The following ZDHHC16 variants were observed in gnomAD, a reference collection of about 807,000 sequenced individuals.
ZDHHC16 encodes palmitoyltransferase ZDHHC16.
A neutral mutation model predicts 54.4 loss-of-function variants in ZDHHC16; 33 were observed. The ratio of observed to expected loss-of-function variants is 0.61; its 90% CI spans 0.46 to 0.81. The LOEUF (loss-of-function observed/expected upper bound fraction) is 0.81, where lower values mean the gene tolerates loss of function less well. Among genes scored for constraint, ZDHHC16 ranks in the 30% least tolerant of loss-of-function variants. ZDHHC16 has a pLI of 0.00. For missense variants in ZDHHC16, 420 were observed against 485.9 expected (o/e 0.86, Z 1.28); for synonymous variants, 185 against 182.1 (o/e 1.02, Z -0.13).
At chr10:97,450,167 G>A (rs959196802) in intron 1 of ZDHHC16, among the ~76,000 whole-genome samples, 190 bp from the exon 2 acceptor site, 4 of 152,106 alleles carry the variant, frequency 2.6e-5, no homozygotes, top group Non-Finnish European at 5.9e-5. Context: ...CACCGTGCCC[G>A]GCCTCCCCTT....
Position 97,454,783 on chromosome 10 carries a change from C to T in ZDHHC16, c.808C>T (p.Leu270Phe), listed in dbSNP as rs1847005614. The change falls in exon 9 of 12, where the codon CTC (leucine) becomes TTC (phenylalanine). Residue 270 changes from leucine to phenylalanine, a missense_variant. Physicochemically the swap from Leu to Phe is conservative, Grantham distance 22. Transcript: ENST00000393760. The stretch of plus-strand genomic sequence containing the variant: ...GATGACTCACAAGAGTCTTGTCTAC[C>T]TCTGGTTCCTGTGCAGGTATTTGTT... ...ERMTHKSLVY[L>F]WFLCSSVALA... 6.2e-7 allele frequency: 1 copy of T among 1,614,130 alleles called. No homozygotes were observed. Among genetic ancestry groups the T allele is most frequent in the Non-Finnish European group, 8.5e-7 (1 of 1,180,018 alleles).
At chr10:97,454,280 T>C (rs1304005460) in intron 8 of ZDHHC16, among the ~76,000 whole-genome samples, 1 of 152,178 alleles carries the variant, frequency 6.6e-6, no homozygotes, top group Non-Finnish European at 1.5e-5. Context: ...CCCATCTTGA[T>C]TGTATTTCTG....
rs1489237481 is a variant in ZDHHC16 at position 97,455,700 on chromosome 10, G to C, written c.865G>C (p.Ala289Pro). The change falls in exon 10 of 12, where the codon GCT (alanine) becomes CCT (proline). Residue 289 changes from alanine (A) to proline (P), a missense_variant. Coordinates refer to ENST00000393760, the MANE Select transcript of ZDHHC16 (RefSeq NM_198046.3). ...LALGALTVWH[A>P]VLISRGETSI... is the part of the protein sequence containing the mutation. Reference sequence around the variant, plus strand: ...CCTGGGTGCCCTAACTGTATGGCATGCTGTTCTCATCAGTCGAGGTGAGAC... The same window carrying C: ...CCTGGGTGCCCTAACTGTATGGCATCCTGTTCTCATCAGTCGAGGTGAGAC... The C allele has an allele frequency of 6.2e-7, 1 of 1,614,042 alleles. No individual in the cohort carries two copies. Among genetic ancestry groups the C allele is most frequent in the Non-Finnish European group, 8.5e-7 (1 of 1,180,026 alleles).
At chr10:97,453,455 C>G in intron 6 of ZDHHC16, 75 bp from the exon 7 acceptor site, 3 of 1,563,136 alleles carry the variant, frequency 1.9e-6, no homozygotes, top group Non-Finnish European at 2.6e-6. Flanking sequence ...TGTCAGGAAC[C>G]AGGGATGAAC....
chr10:97,452,129 G>A lies in ZDHHC16; in HGVS notation c.283G>A (p.Val95Ile). 6.2e-7 allele frequency: 1 copy of A among 1,614,014 alleles called. No homozygotes were observed. The highest frequency in any genetic ancestry group is 8.5e-7 in the Non-Finnish European group (1 of 1,180,036). The change falls in exon 4 of 12, where the codon GTA becomes ATA. Residue 95 changes from valine (V) to isoleucine (I), a missense_variant. Transcript: ENST00000393760. ...GGTGATCGTGCTGACAGGCTCCATT[G>A]TAGCTATCGCCTACCTGTGTGTCCT... ...VLVIVLTGSI[V>I]AIAYLCVLPL...
Position 97,455,904 on chromosome 10 carries a change from T to TAG in ZDHHC16, c.949-70_949-69insAG. The TAG allele has an allele frequency of 1.9e-6, 3 of 1,609,134 alleles. No homozygotes were observed. The Admixed American group carries it at 5.0e-5, about 27-fold the overall frequency. On this transcript the variant is annotated intron_variant, in intron 10 of 11. Transcript: ENST00000393760. ...TGTAAAAGGCCAGAACTACTCTATC[T>TAG]GAGCTTTAGCTTAGCCAATTTAGTC...
intron 1 of ZDHHC16, 122 bp downstream of exon 1, chr10:97,446,475 G>A: frequency 5.6e-6 from 1 of 178,336 alleles, no homozygotes; most frequent in Non-Finnish European, 1.2e-5. Context: ...CTGCGGGGCC[G>A]TGCCCTCCTC....
chr10:97,453,567 G>C lies in ZDHHC16; in HGVS notation c.594G>C (p.Arg198=), dbSNP rs1348619104. The C allele has an allele frequency of 6.2e-7, 1 of 1,614,062 alleles. No individual in the cohort carries two copies. Among genetic ancestry groups the C allele is most frequent in the Non-Finnish European group, 8.5e-7 (1 of 1,180,024 alleles). ...ATTGTGTGGGCCACTATAACCATCG[G>C]TACTTCTTCTCTTTCTGCTTTTTCA... ...LNNCVGHYNH[R]YFFSFCFFMT... Residue 198 remains arginine, a synonymous_variant, in exon 7 of 12, where the codon CGG becomes CGC. Coordinates refer to ENST00000393760, the MANE Select transcript of ZDHHC16 (RefSeq NM_198046.3).
In ZDHHC16 at chr10:97,452,764, C is replaced by T. The variant is rs914230485; in HGVS notation, c.528-131C>T. 69 of 1,265,640 alleles carry T rather than the reference C, an allele frequency of 5.5e-5. No individual in the cohort carries two copies. In the Admixed American group the frequency reaches 1.2e-3, roughly 22 times the overall value. 78.4% of individuals were successfully genotyped at this position (1,265,640 alleles called of 1,614,324 possible). On this transcript the variant is annotated intron_variant, in intron 5 of 11. Coordinates refer to ENST00000393760, the MANE Select transcript of ZDHHC16 (RefSeq NM_198046.3). ...TTAAACTGCAGAGCTGGGTTTGAAG[C>T]AAGGCCTGGCTGTCTTCAAAGTCTG...
Position 97,452,425 on chromosome 10 carries a change from A to G in ZDHHC16, c.449A>G (p.Asp150Gly). The G allele has an allele frequency of 1.2e-6, 2 of 1,614,110 alleles. No homozygotes were observed. The highest frequency in any genetic ancestry group is 8.5e-7 in the Non-Finnish European group (1 of 1,180,014). ...PPGYPPQGRNDIATVSICKKC... is the reference protein window; with the variant it reads ...PPGYPPQGRNGIATVSICKKC... ...TCTCCCTTCACACAGGGCAGGAATG[A>G]TATCGCCACCGTCTCCATCTGTAAG... The change falls in exon 5 of 12, where the codon GAT becomes GGT. Residue 150 changes from aspartate (D) to glycine (G), a missense_variant. Coordinates refer to ENST00000393760, the MANE Select transcript of ZDHHC16 (RefSeq NM_198046.3).
chr10:97,452,834 T>C, intron 5 of ZDHHC16, 61 bp from the exon 6 acceptor site: 1 of 1,610,484 alleles, frequency 6.2e-7, no homozygotes, highest in Admixed American at 1.7e-5. Flanking sequence ...TAGGGAAGGA[T>C]TGGCACTGAC....
At chr10:97,456,756 C>T (rs1434468514) in intron 11 of ZDHHC16, 21 bp from the exon 12 acceptor site, 1 of 1,556,278 alleles carries the variant, frequency 6.4e-7, no homozygotes, top group South Asian at 1.1e-5. Flanking sequence ...AACTCAGAGA[C>T]ATTTCTCTCT....
intron 5 of ZDHHC16, 105 bp downstream of exon 5, chr10:97,452,608 G>A (rs964705476): frequency 1.7e-5 from 21 of 1,222,786 alleles, no homozygotes; most frequent in Admixed American, 4.5e-5. Context: ...ATCACCCATC[G>A]TGTCCCAGGT....
chr10:97,452,625 C>T, intron 5 of ZDHHC16, 122 bp downstream of exon 5: 1 of 1,100,104 alleles, frequency 9.1e-7, no homozygotes, highest in Non-Finnish European at 1.3e-6. Context: ...AGGTGATGTG[C>T]CCTCTTCTCC....
At chr10:97,456,742 C>A (rs764725585) in intron 11 of ZDHHC16, 35 bp from the exon 12 acceptor site, 2 of 1,505,026 alleles carry the variant, frequency 1.3e-6, no homozygotes, top group Non-Finnish European at 1.8e-6. Context: ...ACCAAGAATT[C>A]TTGAACTCAG....
At chr10:97,450,016 C>T (rs1376186933) in intron 1 of ZDHHC16, among the ~76,000 whole-genome samples, 2 of 151,016 alleles carry the variant, frequency 1.3e-5, no homozygotes, top group Admixed American at 6.6e-5. Context: ...GGACTACAGG[C>T]GCCCGCCACC....
rs1439750467 is a variant in ZDHHC16 at position 97,456,861 on chromosome 10, T to C, written c.1104T>C (p.Thr368=). 1.7e-5 allele frequency: 28 copies of C among 1,613,022 alleles called. No individual in the cohort carries two copies. The highest frequency in any genetic ancestry group is 2.3e-5 in the Non-Finnish European group (27 of 1,179,578). ...GMSWEPPPWV[T]AHSASVMAV ...GCTGGGAGCCCCCTCCCTGGGTGAC[T>C]GCTCACTCAGCCTCTGTGATGGCAG... Residue 368 remains threonine, a synonymous_variant, in exon 12 of 12, where the codon ACT becomes ACC. Coordinates refer to ENST00000393760, the MANE Select transcript of ZDHHC16 (RefSeq NM_198046.3).
chr10:97,451,874 C>A lies in ZDHHC16; in HGVS notation c.199C>A (p.Pro67Thr). 6.2e-7 allele frequency: 1 copy of A among 1,613,960 alleles called. No homozygotes were observed. Among genetic ancestry groups the A allele is most frequent in the Non-Finnish European group, 8.5e-7 (1 of 1,179,908 alleles). ...CACCGCTGTTGATGCTGCCTTTGAG[C>A]CTGTCTACTGGCTGGTAGACAACGT... The part of the protein sequence containing the change: ...SDTAVDAAFE[P>T]VYWLVDNVIR... The change falls in exon 3 of 12, where the codon CCT (proline) becomes ACT (threonine). Residue 67 changes from proline to threonine, a missense_variant. Pro to Thr is a conservative substitution (Grantham distance 38). Coordinates refer to ENST00000393760, the MANE Select transcript of ZDHHC16 (RefSeq NM_198046.3).
At chr10:97,452,793 C>T (rs1336571299) in intron 5 of ZDHHC16, 102 bp from the exon 6 acceptor site, 65 of 1,512,458 alleles carry the variant, frequency 4.3e-5, no homozygotes, top group Non-Finnish European at 5.4e-5. Flanking sequence ...AAGTCTGTGC[C>T]CTTTCCACCT....
Sources: allele counts gnomAD v4.1 joint callset (sites outside exome capture counted in the v4.1 genomes callset), GRCh38; gene constraint gnomAD v4.1.1; transcripts MANE v1.5; gene names NCBI Gene and HGNC (gene_info 2026-07-23, HGNC 2026-07-21).